GLG1: variants seen among roughly 807,000 people sequenced by gnomAD.
GLG1 encodes the protein golgi glycoprotein 1.
Under a neutral mutation model 160.5 loss-of-function variants are expected in GLG1, and 38 were observed. The ratio of observed to expected loss-of-function variants is 0.24; its 90% CI spans 0.18 to 0.31. The LOEUF (loss-of-function observed/expected upper bound fraction) is 0.31. Among genes scored for constraint, GLG1 ranks in the 10% least tolerant of loss-of-function variants. GLG1 has a pLI of 1.00. For synonymous variants in GLG1, 644 were observed against 543.4 expected, an observed-to-expected ratio of 1.19 and a Z score of -2.57; for missense variants, 1,373 against 1,505.2, an observed-to-expected ratio of 0.91 and a Z score of 1.45.
Position 74,597,602 on chromosome 16 carries a change from C to T in GLG1, c.438+9055G>A, listed in dbSNP as rs191781877. 3.9e-5 allele frequency among the ~76,000 whole-genome samples: 6 copies of T among 152,116 alleles called. No homozygotes were observed. In the East Asian group the frequency reaches 9.7e-4, roughly 25 times the overall value. On this transcript the variant is annotated intron_variant, in intron 1 of 25. Coordinates refer to ENST00000422840, the MANE Select transcript of GLG1 (RefSeq NM_001145667.2). ...GGCGCAGTGGCTCACGCCTGTAATC[C>T]CAACACTTTGGGAGGCCGAAGCTGG... is the stretch of plus-strand genomic sequence containing the variant.
rs1296773658 is a variant in GLG1 at position 74,607,101 on chromosome 16, T to G, written c.-7A>C. The G allele has an allele frequency of 1.6e-5, 24 of 1,523,006 alleles. No homozygotes were observed. The highest frequency in any genetic ancestry group is 2.1e-5 in the Non-Finnish European group (24 of 1,133,380). The allele number at this position is 1,523,006 out of a possible 1,614,324, so 94.3% of individuals were successfully genotyped here. On this transcript the variant is annotated 5_prime_UTR_variant, in exon 1 of 26. Transcript: ENST00000422840. The stretch of plus-strand genomic sequence containing the variant: ...CACGTCCACACGCCGCCATCTTGAG[T>G]CCGCGGCGAGCTCGACGCACTCGCC...
In GLG1 at chr16:74,491,111, C is replaced by G; in HGVS notation, c.1339G>C (p.Glu447Gln). Residue 447 changes from glutamate to glutamine, a missense_variant, in exon 8 of 26, where the codon GAG (glutamate) becomes CAG (glutamine). By Grantham distance (29) the Glu-to-Gln change is conservative (BLOSUM62 2). Around this residue, in one of 4 missense-constraint regions of GLG1, gnomAD observed 386 missense variants for 388.5 expected, o/e 0.99. Coordinates refer to ENST00000422840, the MANE Select transcript of GLG1 (RefSeq NM_001145667.2). Reference protein sequence around the residue: ...SPEIILSCRGEIEHHCSGLHR... With the variant: ...SPEIILSCRGQIEHHCSGLHR... ...AATCCGGAACAATGGTGTTCAATCT[C>G]CCCCCGACAGCTTAGGATGATCTCA... 1 of 1,613,620 alleles carries G rather than the reference C, an allele frequency of 6.2e-7. No individual in the cohort carries two copies. The highest frequency in any genetic ancestry group is 8.5e-7 in the Non-Finnish European group (1 of 1,179,530).
At position 74,491,126 on chromosome 16, in the gene GLG1, G is replaced by T; in HGVS notation, c.1324C>A (p.Leu442Ile). 1 of 1,613,968 alleles carries T rather than the reference G, an allele frequency of 6.2e-7. No homozygotes were observed. The highest frequency in any genetic ancestry group is 8.5e-7 in the Non-Finnish European group (1 of 1,179,810). Residue 442 changes from leucine (L) to isoleucine (I), a missense_variant, in exon 8 of 26, where the codon CTA becomes ATA. By Grantham distance (5) the Leu-to-Ile change is conservative. Coordinates refer to ENST00000422840, the MANE Select transcript of GLG1 (RefSeq NM_001145667.2). Reference sequence around the variant, plus strand: ...TGTTCAATCTCCCCCCGACAGCTTAGGATGATCTCAGGGCTCAGAGAAAAG... The same window carrying T: ...TGTTCAATCTCCCCCCGACAGCTTATGATGATCTCAGGGCTCAGAGAAAAG... ...EDFSLSPEII[L>I]SCRGEIEHHC...
intron 4 of GLG1, among the ~76,000 whole-genome samples, chr16:74,500,901 T>C (rs2143442304): frequency 6.6e-6 from 1 of 152,334 alleles, no homozygotes; most frequent in East Asian, 1.9e-4. Flanking sequence ...TTCTAAAATT[T>C]ATATTAACAT....
intron 12 of GLG1, among the ~76,000 whole-genome samples, chr16:74,476,092 G>A (rs1462594081): frequency 6.6e-6 from 1 of 152,162 alleles, no homozygotes; most frequent in South Asian, 2.1e-4. Flanking sequence ...TGGGGCACAA[G>A]AATTGCTTGA....
chr16:74,465,110 A>T (rs764881968), intron 19 of GLG1, among the ~76,000 whole-genome samples: 2 of 152,178 alleles, frequency 1.3e-5, no homozygotes, highest in Non-Finnish European at 2.9e-5. Flanking sequence ...AAGTGCTGGG[A>T]TTACAGGCGT....
At chr16:74,489,665 T>A (rs1201301948) in intron 8 of GLG1, among the ~76,000 whole-genome samples, 1 of 152,108 alleles carries the variant, frequency 6.6e-6, no homozygotes, top group East Asian at 1.9e-4. Flanking sequence ...TGTGGCAAAA[T>A]CAAACGGCAG....
intron 1 of GLG1, among the ~76,000 whole-genome samples, chr16:74,540,860 A>G (rs539142502): frequency 1.3e-5 from 2 of 152,316 alleles, no homozygotes; most frequent in Admixed American, 1.3e-4. Flanking sequence ...ATCAAGAGAT[A>G]AAAGGCCTTG....
intron 25 of GLG1, among the ~76,000 whole-genome samples, chr16:74,455,774 G>A (rs1023264875): frequency 2.0e-5 from 3 of 152,222 alleles, no homozygotes; most frequent in African/African-American, 7.2e-5. Flanking sequence ...AAACCAGAGG[G>A]ACTCTGGGCA....
chr16:74,501,238 G>A (rs1322282152), intron 4 of GLG1, among the ~76,000 whole-genome samples: 1 of 152,208 alleles, frequency 6.6e-6, no homozygotes, highest in Non-Finnish European at 1.5e-5. Flanking sequence ...GTAGTACAGA[G>A]TGAATGATAT....
chr16:74,591,167 C>A (rs12149960), intron 1 of GLG1, among the ~76,000 whole-genome samples: 67,760 of 151,238 alleles, frequency 0.45, 16,596 homozygotes, highest in African/African-American at 0.64. Context: ...CCCGTCTCTA[C>A]TAAAAATACA....
chr16:74,457,122 T>G (rs1350404449), intron 24 of GLG1, among the ~76,000 whole-genome samples: 1 of 152,162 alleles, frequency 6.6e-6, no homozygotes, highest in Admixed American at 6.5e-5. Flanking sequence ...AGGCTGGGCA[T>G]AGTGGCTTAT....
At chr16:74,562,595 G>T (rs1007371680) in intron 1 of GLG1, among the ~76,000 whole-genome samples, 3 of 152,190 alleles carry the variant, frequency 2.0e-5, no homozygotes, top group African/African-American at 7.2e-5. Flanking sequence ...AAGCAGCTGG[G>T]ATTACAGGCA....
At chr16:74,463,060 C>T (rs569253261) in intron 20 of GLG1, 111 of 462,392 alleles carry the variant, frequency 2.4e-4, no homozygotes, top group African/African-American at 2.0e-3. Flanking sequence ...ATTCTCCTGG[C>T]ACACTCATGA....
intron 6 of GLG1, among the ~76,000 whole-genome samples, chr16:74,493,946 G>A (rs545797290): frequency 5.3e-5 from 8 of 151,664 alleles, no homozygotes; most frequent in South Asian, 2.1e-4. Context: ...AGTGAGAGGC[G>A]GGTGGATCAC....
intron 15 of GLG1, 74 bp downstream of exon 15, chr16:74,471,099 G>A (rs1223454569): frequency 2.3e-6 from 2 of 863,510 alleles, no homozygotes; most frequent in Non-Finnish European, 4.0e-6. Flanking sequence ...GTGCTCTGAT[G>A]TTCCAAAAAA....
chr16:74,547,933 GTTGT>G lies in GLG1; in HGVS notation c.439-15784_439-15781del, dbSNP rs369912384. Among the ~76,000 whole-genome samples, 27 of 152,334 alleles carry G rather than the reference GTTGT, an allele frequency of 1.8e-4. No individual in the cohort carries two copies. In the East Asian group the frequency reaches 4.8e-3, roughly 27 times the overall value. ...AGAATTCAGAAATAAAAAATCCAAAGTTGTTTGTTTGTTTTGAGATGGAGTCTCG... is the reference window on the plus strand; with the variant it reads ...AGAATTCAGAAATAAAAAATCCAAAGTTGTTTGTTTTGAGATGGAGTCTCG... On this transcript the variant is annotated intron_variant, in intron 1 of 25. Coordinates refer to ENST00000422840, the MANE Select transcript of GLG1 (RefSeq NM_001145667.2).
chr16:74,479,717 C>A (rs973775718), intron 11 of GLG1, among the ~76,000 whole-genome samples: 1 of 152,106 alleles, frequency 6.6e-6, no homozygotes, highest in Non-Finnish European at 1.5e-5. Context: ...CATGTCAGTG[C>A]GCACCGGGAA....
intron 1 of GLG1, among the ~76,000 whole-genome samples, chr16:74,547,640 G>A (rs930440360): frequency 2.0e-5 from 3 of 152,244 alleles, no homozygotes; most frequent in Non-Finnish European, 4.4e-5. Context: ...TTGAATGAAA[G>A]TGCTTTGAAT....
Sources: allele counts gnomAD v4.1 joint callset (sites outside exome capture counted in the v4.1 genomes callset), GRCh38; gene constraint gnomAD v4.1.1; regional missense constraint gnomAD v4.1.1; transcripts MANE v1.5; gene names NCBI Gene and HGNC (gene_info 2026-07-23, HGNC 2026-07-21).